The following MAST4 variants were observed in gnomAD, a reference collection of about 807,000 sequenced individuals.
MAST4 encodes microtubule associated serine/threonine kinase family member 4, also known as microtubule-associated serine/threonine-protein kinase 4.
Under a neutral mutation model 162.7 loss-of-function variants are expected in MAST4, and 89 were observed. The ratio of observed to expected loss-of-function variants is 0.55; its 90% CI spans 0.46 to 0.65. MAST4 has a LOEUF of 0.65. Ranked by LOEUF, MAST4 falls within the 30% of genes least tolerant of loss-of-function variation. The pLI, the probability that MAST4 is intolerant of heterozygous loss-of-function variation, is 0.00. For missense variants in MAST4, 3,153 were observed against 3,374.0 expected, an observed-to-expected ratio of 0.93 and a Z score of 1.62; for synonymous variants, 1,479 against 1,361.1, an observed-to-expected ratio of 1.09 and a Z score of -1.91.
chr5:66,852,880 A>T (rs1417302184), intron 3 of MAST4, among the ~76,000 whole-genome samples: 1 of 152,176 alleles, frequency 6.6e-6, no homozygotes, highest in Admixed American at 6.5e-5. Context: ...AGAAAGAGGG[A>T]TGCAGAAAAT....
intron 5 of MAST4, among the ~76,000 whole-genome samples, chr5:67,067,562 C>G (rs1463980784): frequency 6.6e-6 from 1 of 152,174 alleles, no homozygotes; most frequent in Non-Finnish European, 1.5e-5. Context: ...TTATTGCCAT[C>G]TCCAAGGGGA....
intron 4 of MAST4, among the ~76,000 whole-genome samples, chr5:66,906,249 G>A (rs1763345963): frequency 6.6e-6 from 1 of 152,200 alleles, no homozygotes. Context: ...CATGAGGCAT[G>A]TCTGACCCTC....
chr5:66,907,517 A>G (rs1463657164), intron 4 of MAST4, among the ~76,000 whole-genome samples: 6 of 151,816 alleles, frequency 4.0e-5, no homozygotes, highest in African/African-American at 7.3e-5. Context: ...TATTTCTAAA[A>G]TTGGAATTTC....
At chr5:67,146,025 A>T (rs1186960188) in intron 23 of MAST4, among the ~76,000 whole-genome samples, 5 of 152,242 alleles carry the variant, frequency 3.3e-5, no homozygotes, top group African/African-American at 1.2e-4. Flanking sequence ...AAATACCAGC[A>T]TGATTTAAAT....
chr5:67,094,178 A>G (rs1764173693), intron 6 of MAST4: 2 of 1,489,756 alleles, frequency 1.3e-6, no homozygotes, highest in Non-Finnish European at 9.2e-7. Flanking sequence ...AAATTTTACT[A>G]AAATCTTAAC....
intron 1 of MAST4, among the ~76,000 whole-genome samples, chr5:66,597,711 G>A (rs1000581376): frequency 6.6e-6 from 1 of 152,114 alleles, no homozygotes; most frequent in Admixed American, 6.5e-5. Context: ...GGGGCGGAGC[G>A]GGGTGGGGGA....
intron 4 of MAST4, among the ~76,000 whole-genome samples, chr5:66,904,055 G>A (rs1255378871): frequency 6.6e-6 from 1 of 152,156 alleles, no homozygotes; most frequent in Non-Finnish European, 1.5e-5. Context: ...TGTACTGTCT[G>A]TATTTATGAA....
At chr5:66,972,920 C>G (rs541780443) in intron 4 of MAST4, among the ~76,000 whole-genome samples, 1 of 152,294 alleles carries the variant, frequency 6.6e-6, no homozygotes, top group East Asian at 1.9e-4. Flanking sequence ...TGATTATTCC[C>G]TGTTTCTAAA....
intron 1 of MAST4, among the ~76,000 whole-genome samples, chr5:66,644,912 G>C (rs963457990): frequency 1.3e-5 from 2 of 151,838 alleles, no homozygotes; most frequent in Non-Finnish European, 2.9e-5. Flanking sequence ...GTAATACCCT[G>C]ATGACAGTGT....
At chr5:67,016,963 G>A (rs1271436610) in intron 4 of MAST4, among the ~76,000 whole-genome samples, 1 of 152,210 alleles carries the variant, frequency 6.6e-6, no homozygotes. Context: ...GGAGATTTTA[G>A]AGATGATTTA....
At chr5:67,027,455 T>A (rs1052579403) in intron 4 of MAST4, among the ~76,000 whole-genome samples, 1 of 152,156 alleles carries the variant, frequency 6.6e-6, no homozygotes, top group African/African-American at 2.4e-5. Context: ...CTGGTACAAC[T>A]GCAAAAAGAA....
chr5:67,089,394 C>G (rs146398184), intron 5 of MAST4, among the ~76,000 whole-genome samples: 2 of 152,196 alleles, frequency 1.3e-5, no homozygotes, highest in African/African-American at 2.4e-5. Context: ...CTCCTTCCAA[C>G]GAGCAATCAC....
intron 3 of MAST4, among the ~76,000 whole-genome samples, chr5:66,831,987 TTC>T (rs1293810967): frequency 6.6e-6 from 1 of 152,180 alleles, no homozygotes; most frequent in African/African-American, 2.4e-5. Flanking sequence ...TTTCAGTGAT[TTC>T]TGTTATATGT....
intron 5 of MAST4, among the ~76,000 whole-genome samples, chr5:67,071,122 T>C (rs1760926555): frequency 6.6e-6 from 1 of 152,194 alleles, no homozygotes; most frequent in Admixed American, 6.5e-5. Flanking sequence ...AAGACTTTGA[T>C]AAGTTGGTTA....
In MAST4 at chr5:67,051,511, G is replaced by A. The variant is rs544531200; in HGVS notation, c.675-2893G>A. Among the ~76,000 whole-genome samples the A allele has an allele frequency of 7.2e-5, 11 of 152,228 alleles. No homozygotes were observed. In the South Asian group the frequency reaches 1.9e-3, roughly 26 times the overall value. ...CCCACTTGAAGTTTTCTTACTGTTG[G>A]AGTTAAGTGCAGATTTTAATTCATT... On this transcript the variant is annotated intron_variant, in intron 4 of 28. Coordinates refer to ENST00000403625, the MANE Select transcript of MAST4 (RefSeq NM_001164664.2).
intron 4 of MAST4, among the ~76,000 whole-genome samples, chr5:66,967,067 A>G (rs1746823549): frequency 1.3e-5 from 2 of 152,212 alleles, no homozygotes; most frequent in South Asian, 4.1e-4. Context: ...TTACCACAGA[A>G]AAAGCATGTT....
chr5:66,974,544 G>A (rs933610221), intron 4 of MAST4, among the ~76,000 whole-genome samples: 1 of 152,288 alleles, frequency 6.6e-6, no homozygotes, highest in Non-Finnish European at 1.5e-5. Flanking sequence ...CTAACAACGC[G>A]TTACAAATGA....
chr5:66,962,154 A>G lies in MAST4; in HGVS notation c.674+62172A>G, dbSNP rs1746088039. 2.6e-5 allele frequency among the ~76,000 whole-genome samples: 4 copies of G among 152,340 alleles called. No individual in the cohort carries two copies. In the South Asian group the frequency reaches 8.3e-4, roughly 32 times the overall value. On this transcript the variant is annotated intron_variant, in intron 4 of 28. Coordinates refer to ENST00000403625, the MANE Select transcript of MAST4 (RefSeq NM_001164664.2). ...CCATCATTGCCAACCCTCTGTGCCA[A>G]TGAAGAGCACAACCAGCTTGAATCA... is the stretch of plus-strand genomic sequence containing the variant.
At chr5:66,941,989 C>T (rs1001005642) in intron 4 of MAST4, among the ~76,000 whole-genome samples, 14 of 151,626 alleles carry the variant, frequency 9.2e-5, no homozygotes, top group Admixed American at 7.2e-4. Context: ...TGTGGTGCCC[C>T]AAAACAGTGA....
Sources: gnomAD v4.1 joint callset for allele counts (sites outside exome capture counted in the v4.1 genomes callset) on GRCh38, gnomAD v4.1.1 for gene constraint, MANE v1.5 for transcripts, NCBI Gene and HGNC (gene_info 2026-07-23, HGNC 2026-07-21) for gene names.